The following PDZRN4 variants were observed in gnomAD, a reference collection of about 807,000 sequenced individuals.
PDZRN4 encodes PDZ domain containing ring finger 4.
In PDZRN4, 70 loss-of-function variants were observed where a neutral mutation model predicts 99.0. That is an observed-to-expected ratio of 0.71 (90% confidence interval 0.58 to 0.86). PDZRN4 has a LOEUF of 0.86. Ranked by LOEUF, PDZRN4 falls within the 40% of genes least tolerant of loss-of-function variation. The probability of loss-of-function intolerance (pLI) is 0.00; values close to 1 mark genes in which losing one functional copy is unlikely to be tolerated. For synonymous variants in PDZRN4, 551 were observed against 501.6 expected, an observed-to-expected ratio of 1.10 and a Z score of -1.32; for missense variants, 1,474 against 1,331.2, an observed-to-expected ratio of 1.11 and a Z score of -1.67.
intron 5 of PDZRN4, among the ~76,000 whole-genome samples, chr12:41,513,126 C>T (rs1474871268): frequency 6.6e-6 from 1 of 151,942 alleles, no homozygotes; most frequent in Non-Finnish European, 1.5e-5. Flanking sequence ...CCCAATAGAC[C>T]AAAACAGATC....
rs1952297233 is a variant in PDZRN4 at position 41,402,198 on chromosome 12, C to T, written c.844-104258C>T. 2.7e-5 allele frequency among the ~76,000 whole-genome samples: 2 copies of T among 72,906 alleles called. 1 individual carries two copies. The allele number at this position is 72,906 out of a possible 152,430, so 47.8% of individuals were successfully genotyped here. On this transcript the variant is annotated intron_variant, in intron 3 of 9. Coordinates refer to ENST00000402685, the MANE Select transcript of PDZRN4 (RefSeq NM_001164595.2). Reference sequence around the variant, plus strand: ...CTGAGTATATATATATATACACACACACTGAGTATACATATATATACACAC... The same window carrying T: ...CTGAGTATATATATATATACACACATACTGAGTATACATATATATACACAC...
At position 41,483,528 on chromosome 12, in the gene PDZRN4, T is replaced by C. The variant is rs1937716880; in HGVS notation, c.844-22928T>C. On this transcript the variant is annotated intron_variant, in intron 3 of 9. Transcript: ENST00000402685. ...GGGAGCTTCAGAGCAATGTGTAGAA[T>C]TGATGTAAGAAACGCTATTCCTTTG... 2.0e-5 allele frequency among the ~76,000 whole-genome samples: 3 copies of C among 152,072 alleles called. No individual in the cohort carries two copies. The South Asian group carries it at 6.2e-4, about 32-fold the overall frequency.
At position 41,334,389 on chromosome 12, in the gene PDZRN4, T is replaced by TTA. The variant is rs1951759669; in HGVS notation, c.843+140201_843+140202insTA. Among the ~76,000 whole-genome samples, 5 of 143,738 alleles carry TTA rather than the reference T, an allele frequency of 3.5e-5. No homozygotes were observed. The South Asian group carries it at 1.1e-3, about 31-fold the overall frequency. 94.3% of individuals were successfully genotyped at this position (143,738 alleles called of 152,430 possible). A position where few individuals can be genotyped will look rare whatever the true frequency, so the allele number is the denominator to read the frequency against. ...TCAGTGGGGAACATTAATGAAAAGT[T>TTA]AAAAAAAAAAAAAAAAGAAAGAAAG... On this transcript the variant is annotated intron_variant, in intron 3 of 9. Transcript: ENST00000402685.
At chr12:41,221,337 C>T (rs950532549) in intron 3 of PDZRN4, among the ~76,000 whole-genome samples, 1 of 152,088 alleles carries the variant, frequency 6.6e-6, no homozygotes, top group Non-Finnish European at 1.5e-5. Context: ...CTATTGTAAC[C>T]CAAATATATT....
At chr12:41,374,487 G>A (rs1952065523) in intron 3 of PDZRN4, among the ~76,000 whole-genome samples, 1 of 152,128 alleles carries the variant, frequency 6.6e-6, no homozygotes, top group South Asian at 2.1e-4. Context: ...ACTCTACAGG[G>A]GAAGTGACCT....
At chr12:41,436,158 G>A (rs1051696759) in intron 3 of PDZRN4, among the ~76,000 whole-genome samples, 2 of 152,106 alleles carry the variant, frequency 1.3e-5, no homozygotes, top group Non-Finnish European at 2.9e-5. Context: ...AGAAGTCCTG[G>A]AGAACTTTTT....
At chr12:41,399,274 T>C (rs889803824) in intron 3 of PDZRN4, among the ~76,000 whole-genome samples, 6 of 152,172 alleles carry the variant, frequency 3.9e-5, no homozygotes, top group African/African-American at 1.4e-4. Flanking sequence ...ATTATATGCA[T>C]ATATAAACAC....
At chr12:41,450,692 C>T (rs911773220) in intron 3 of PDZRN4, among the ~76,000 whole-genome samples, 19 of 151,958 alleles carry the variant, frequency 1.3e-4, no homozygotes, top group Non-Finnish European at 2.4e-4. Context: ...GGAGCTGAGG[C>T]GGGGGGATCA....
At chr12:41,347,074 A>G (rs947436432) in intron 3 of PDZRN4, among the ~76,000 whole-genome samples, 1 of 152,128 alleles carries the variant, frequency 6.6e-6, no homozygotes, top group African/African-American at 2.4e-5. Flanking sequence ...AGTTGTTTCC[A>G]CATGTGGCTA....
At chr12:41,258,982 A>G (rs1951220336) in intron 3 of PDZRN4, among the ~76,000 whole-genome samples, 1 of 152,074 alleles carries the variant, frequency 6.6e-6, no homozygotes, top group Admixed American at 6.6e-5. Context: ...GGGGCACTAC[A>G]ATTCATTAAC....
At chr12:41,428,231 A>C (rs890072575) in intron 3 of PDZRN4, among the ~76,000 whole-genome samples, 5 of 152,190 alleles carry the variant, frequency 3.3e-5, no homozygotes, top group Non-Finnish European at 2.9e-5. Context: ...AGGAAAGCAC[A>C]TTCCAGGCTC....
chr12:41,563,711 A>T, intron 8 of PDZRN4, 62 bp downstream of exon 8: 2 of 1,054,212 alleles, frequency 1.9e-6, no homozygotes, highest in East Asian at 4.8e-5. Flanking sequence ...CACTGAATGT[A>T]AATTCGTGAA....
At chr12:41,273,212 C>T (rs1951327151) in intron 3 of PDZRN4, among the ~76,000 whole-genome samples, 1 of 151,950 alleles carries the variant, frequency 6.6e-6, no homozygotes, top group Admixed American at 6.6e-5. Flanking sequence ...ATCAAAGAGG[C>T]TCAGTTTCTT....
At chr12:41,389,027 G>A (rs1952191855) in intron 3 of PDZRN4, among the ~76,000 whole-genome samples, 1 of 152,098 alleles carries the variant, frequency 6.6e-6, no homozygotes, top group South Asian at 2.1e-4. Context: ...GGCTGTGATG[G>A]CTGAGATAAT....
chr12:41,240,719 GC>G (rs1951096566), intron 3 of PDZRN4, among the ~76,000 whole-genome samples: 1 of 152,186 alleles, frequency 6.6e-6, no homozygotes, highest in African/African-American at 2.4e-5. Flanking sequence ...TGTAGACAGG[GC>G]CTTCGTGTTG....
chr12:41,371,882 G>A (rs1412920620), intron 3 of PDZRN4, among the ~76,000 whole-genome samples: 1 of 152,044 alleles, frequency 6.6e-6, no homozygotes, highest in Non-Finnish European at 1.5e-5. Context: ...GATTAACCTA[G>A]CTAATTTATG....
chr12:41,340,235 C>T (rs549945565), intron 3 of PDZRN4, among the ~76,000 whole-genome samples: 22 of 152,034 alleles, frequency 1.4e-4, no homozygotes, highest in East Asian at 3.9e-4. Flanking sequence ...GAATAGAGAA[C>T]GATTCAGCCA....
intron 3 of PDZRN4, among the ~76,000 whole-genome samples, chr12:41,371,486 A>T (rs559762927): frequency 1.3e-5 from 2 of 152,178 alleles, no homozygotes; most frequent in Admixed American, 6.6e-5. Context: ...TGTAAGATTT[A>T]AATCCAACTT....
In PDZRN4 at chr12:41,573,060, C is replaced by T; in HGVS notation, c.2281C>T (p.Pro761Ser). The T allele has an allele frequency of 6.2e-7, 1 of 1,614,052 alleles. No individual in the cohort carries two copies. The highest frequency in any genetic ancestry group is 1.1e-5 in the South Asian group (1 of 91,074). Residue 761 changes from proline to serine, a missense_variant, in exon 10 of 10, where the codon CCA becomes TCA. Coordinates refer to ENST00000402685, the MANE Select transcript of PDZRN4 (RefSeq NM_001164595.2). ...AGACCGTTCCCCTGACAGTTCCCTT[C>T]CAAGGGTGATCAACCTCACCAATAA... ...TVDRSPDSSL[P>S]RVINLTNKKN...
Sources: allele counts gnomAD v4.1 joint callset (sites outside exome capture counted in the v4.1 genomes callset), GRCh38; gene constraint gnomAD v4.1.1; transcripts MANE v1.5; gene names NCBI Gene and HGNC (gene_info 2026-07-23, HGNC 2026-07-21).